Variants in KDM3B observed in about 807,000 individuals in gnomAD.
KDM3B encodes the protein lysine-specific demethylase 3B.
KDM3B carries 10 observed loss-of-function variants against 170.0 expected under a neutral mutation model. The ratio of observed to expected loss-of-function variants is 0.06; its 90% CI spans 0.04 to 0.10. The LOEUF (loss-of-function observed/expected upper bound fraction) is 0.10. Ranked by LOEUF, KDM3B falls within the 10% of genes least tolerant of loss-of-function variation. KDM3B has a pLI of 1.00. For synonymous variants in KDM3B, 831 were observed against 834.8 expected, an observed-to-expected ratio of 1.00 and a Z score of 0.08; for missense variants, 1,394 against 2,195.2, an observed-to-expected ratio of 0.64 and a Z score of 7.29.
chr5:138,430,410 T>C lies in KDM3B; in HGVS notation c.5055T>C (p.Ala1685=). ...TAGGTGATGCTGTTTTCATACCTGC[T>C]GGAGCCCCACACCAGGTGGGTTCCT... ...QFLGDAVFIP[A]GAPHQVHNLY... The change falls in exon 22 of 24, where the codon GCT becomes GCC. Residue 1685 remains alanine, a synonymous_variant. Transcript: ENST00000314358. 1.9e-6 allele frequency: 3 copies of C among 1,613,854 alleles called. No individual in the cohort carries two copies. Among genetic ancestry groups the C allele is most frequent in the Non-Finnish European group, 2.5e-6 (3 of 1,179,722 alleles).
intron 22 of KDM3B, among the ~76,000 whole-genome samples, chr5:138,431,221 G>C: frequency 6.6e-6 from 1 of 151,990 alleles, no homozygotes; most frequent in East Asian, 1.9e-4. Context: ...GCCTCCCAAA[G>C]TGCTGGGATT....
At chr5:138,353,179 G>A (rs1761372103) in intron 1 of KDM3B, among the ~76,000 whole-genome samples, 192 bp downstream of exon 1, 1 of 152,178 alleles carries the variant, frequency 6.6e-6, no homozygotes, top group East Asian at 1.9e-4. Flanking sequence ...CGGGGTGTGC[G>A]CCCCGGTTTC....
intron 21 of KDM3B, 50 bp downstream of exon 21, chr5:138,430,015 T>C: frequency 6.2e-7 from 1 of 1,603,004 alleles, no homozygotes; most frequent in East Asian, 2.2e-5. Context: ...AAGAGTCTCG[T>C]TGCTGAGACA....
chr5:138,407,699 A>G (rs1762858000), intron 11 of KDM3B, among the ~76,000 whole-genome samples: 1 of 152,156 alleles, frequency 6.6e-6, no homozygotes, highest in African/African-American at 2.4e-5. Flanking sequence ...TCAAACTCCA[A>G]ATGGTGCTGC....
intron 21 of KDM3B, 109 bp from the exon 22 acceptor site, chr5:138,430,135 CTAGAA>C (rs757101878): frequency 8.7e-5 from 119 of 1,372,102 alleles, no homozygotes; most frequent in Non-Finnish European, 1.2e-4. Flanking sequence ...AGGATGTTGA[CTAGAA>C]TAAAGTTTTG....
chr5:138,412,194 G>A (rs1309379524), intron 11 of KDM3B, among the ~76,000 whole-genome samples: 1 of 151,466 alleles, frequency 6.6e-6, no homozygotes, highest in Non-Finnish European at 1.5e-5. Context: ...AAATTAGCTG[G>A]GCGTGGTGGC....
Position 138,375,216 on chromosome 5 carries a change from A to G in KDM3B, c.474+10A>G, listed in dbSNP as rs775677858. 1.3e-6 allele frequency: 2 copies of G among 1,551,150 alleles called. No homozygotes were observed. The highest frequency in any genetic ancestry group is 1.7e-5 in the Admixed American group (1 of 59,834). ...GTTGCATCTGTTTCAGGTATTTAAC[A>G]CTTGCTTTAGTCTTGAGCCTATTAT... On this transcript the variant is annotated intron_variant, in intron 3 of 23. Transcript: ENST00000314358.
chr5:138,370,792 G>A (rs1039920178), intron 1 of KDM3B, among the ~76,000 whole-genome samples: 1 of 151,742 alleles, frequency 6.6e-6, no homozygotes, highest in Non-Finnish European at 1.5e-5. Flanking sequence ...GTTGCCTTAA[G>A]AAGTTTCATG....
At chr5:138,371,389 G>A (rs922517009) in intron 1 of KDM3B, among the ~76,000 whole-genome samples, 3 of 150,610 alleles carry the variant, frequency 2.0e-5, no homozygotes, top group Non-Finnish European at 2.9e-5. Flanking sequence ...CTAGGAAGTC[G>A]AGGCTGTAGT....
intron 20 of KDM3B, among the ~76,000 whole-genome samples, chr5:138,429,571 A>G (rs535550610): frequency 1.3e-5 from 2 of 152,220 alleles, no homozygotes; most frequent in South Asian, 4.1e-4. Context: ...AAGATATGGC[A>G]ACACAGTTTA....
At chr5:138,404,711 T>C (rs1011249991) in intron 11 of KDM3B, among the ~76,000 whole-genome samples, 3 of 152,096 alleles carry the variant, frequency 2.0e-5, no homozygotes, top group South Asian at 2.1e-4. Context: ...GAATGAACTT[T>C]TTTGTTTTGT....
chr5:138,374,326 G>C (rs920545931), intron 2 of KDM3B: 4 of 435,420 alleles, frequency 9.2e-6, no homozygotes, highest in Admixed American at 2.5e-5. Flanking sequence ...GCAATGGCTC[G>C]ATCTCGGCTC....
chr5:138,399,993 G>A lies in KDM3B; in HGVS notation c.3180G>A (p.Arg1060=), dbSNP rs1762641342. 2 of 1,614,160 alleles carry A rather than the reference G, an allele frequency of 1.2e-6. No individual in the cohort carries two copies. The highest frequency in any genetic ancestry group is 1.7e-6 in the Non-Finnish European group (2 of 1,180,016). ...TCTGCCTTGACTGTTACCGGCTCAG[G>A]AAAAGCCGGCCACGCAGTGGTAAGT... ...FGVCLDCYRL[R]KSRPRSETEE... is the part of the protein sequence containing the mutation. The change falls in exon 11 of 24, where the codon AGG becomes AGA. Residue 1060 remains arginine (R), a synonymous_variant. Coordinates refer to ENST00000314358, the MANE Select transcript of KDM3B (RefSeq NM_016604.4).
At chr5:138,361,769 A>G (rs1194417131) in intron 1 of KDM3B, among the ~76,000 whole-genome samples, 3 of 152,218 alleles carry the variant, frequency 2.0e-5, no homozygotes, top group Non-Finnish European at 4.4e-5. Flanking sequence ...TACAAACCCT[A>G]TAAAGCCTTT....
At chr5:138,368,933 T>C (rs1761809927) in intron 1 of KDM3B, among the ~76,000 whole-genome samples, 2 of 152,218 alleles carry the variant, frequency 1.3e-5, no homozygotes, top group African/African-American at 4.8e-5. Context: ...AATATTCAAG[T>C]TCTTATGTAC....
intron 20 of KDM3B, 60 bp downstream of exon 20, chr5:138,428,146 T>G: frequency 6.4e-7 from 1 of 1,554,862 alleles, no homozygotes; most frequent in Non-Finnish European, 8.7e-7. Flanking sequence ...GAATACAGTT[T>G]TGTGTTTTCA....
At chr5:138,396,220 C>A (rs984711786) in intron 9 of KDM3B, among the ~76,000 whole-genome samples, 34 of 151,912 alleles carry the variant, frequency 2.2e-4, no homozygotes, top group East Asian at 7.8e-4. Context: ...CTCAGCCTCC[C>A]GAGTAGCTGG....
chr5:138,389,780 CTCTGTGTG>C (rs1762378296), intron 7 of KDM3B, among the ~76,000 whole-genome samples: 1 of 120,252 alleles, frequency 8.3e-6, no homozygotes, highest in African/African-American at 3.3e-5. Context: ...CTCTCTCTCT[CTCTGTGTG>C]TGTGTGTGTG....
At position 138,418,992 on chromosome 5, in the gene KDM3B, A is replaced by T. The variant is rs775248863; in HGVS notation, c.3475A>T (p.Thr1159Ser). Residue 1159 changes from threonine to serine, a missense_variant, in exon 14 of 24, where the codon ACT becomes TCT. Around this residue, in one of 19 missense-constraint regions of KDM3B, gnomAD observed 87 missense variants for 83.3 expected, o/e 1.04. Transcript: ENST00000314358. ...CCCTAGTGCCTCTTCTGGAAACGAA[A>T]CTACCTTCTCTGGTGGAGGAGGACC... is the stretch of plus-strand genomic sequence containing the variant. ...INPSASSGNETTFSGGGGPAP... is the reference protein window; with the variant it reads ...INPSASSGNESTFSGGGGPAP... 1 of 1,614,180 alleles carries T rather than the reference A, an allele frequency of 6.2e-7. No homozygotes were observed. Among genetic ancestry groups the T allele is most frequent in the South Asian group, 1.1e-5 (1 of 91,084 alleles).
Sources: allele counts gnomAD v4.1 joint callset (sites outside exome capture counted in the v4.1 genomes callset), GRCh38; gene constraint gnomAD v4.1.1; regional missense constraint gnomAD v4.1.1; transcripts MANE v1.5; gene names NCBI Gene and HGNC (gene_info 2026-07-23, HGNC 2026-07-21).